Variants in L3MBTL3 observed in about 807,000 individuals in gnomAD.
The protein encoded by L3MBTL3 is L3MBTL histone methyl-lysine binding protein 3, also known as lethal(3)malignant brain tumor-like protein 3.
A neutral mutation model predicts 102.3 loss-of-function variants in L3MBTL3; 27 were observed. The ratio of observed to expected loss-of-function variants is 0.26; its 90% CI spans 0.19 to 0.36. The LOEUF (loss-of-function observed/expected upper bound fraction) is 0.36. Among genes scored for constraint, L3MBTL3 ranks in the 10% least tolerant of loss-of-function variants. The probability of loss-of-function intolerance (pLI) is 1.00; values close to 1 mark genes in which losing one functional copy is unlikely to be tolerated. For synonymous variants in L3MBTL3, 340 were observed against 320.9 expected (o/e 1.06, Z -0.64); for missense variants, 798 against 955.3 (o/e 0.84, Z 2.17).
intron 19 of L3MBTL3, among the ~76,000 whole-genome samples, chr6:130,105,828 T>G (rs556520380): frequency 2.0e-5 from 3 of 152,266 alleles, no homozygotes; most frequent in Admixed American, 2.0e-4. Flanking sequence ...TGTTGTAGGT[T>G]TTTCAATAAT....
chr6:130,060,099 C>T lies in L3MBTL3; in HGVS notation c.823C>T (p.Pro275Ser). ...KVGMKLEGVDPEHQSVYCVLT... is the reference protein window; with the variant it reads ...KVGMKLEGVDSEHQSVYCVLT... ...TGGCATGAAATTAGAAGGCGTGGAT[C>T]CTGAGCATCAGTCTGTGTACTGTGT... The change falls in exon 10 of 23, where the codon CCT becomes TCT. Residue 275 changes from proline (P) to serine (S), a missense_variant. Pro to Ser is a moderately conservative substitution (Grantham distance 74, BLOSUM62 -1). Around this residue, in one of 4 missense-constraint regions of L3MBTL3, gnomAD observed 434 missense variants for 506.6 expected, o/e 0.86. Transcript: ENST00000361794. 6.2e-7 allele frequency: 1 copy of T among 1,613,460 alleles called. No homozygotes were observed. The highest frequency in any genetic ancestry group is 1.1e-5 in the South Asian group (1 of 91,044).
chr6:130,091,652 C>T (rs1424819814), intron 16 of L3MBTL3, among the ~76,000 whole-genome samples: 1 of 152,024 alleles, frequency 6.6e-6, no homozygotes, highest in Non-Finnish European at 1.5e-5. Context: ...GGTATATATA[C>T]ACAACGGGAT....
chr6:130,098,663 G>A (rs1784500335), intron 18 of L3MBTL3, among the ~76,000 whole-genome samples: 1 of 152,120 alleles, frequency 6.6e-6, no homozygotes, highest in African/African-American at 2.4e-5. Context: ...CAGGAGCTCT[G>A]TGAATGTTAG....
intron 10 of L3MBTL3, among the ~76,000 whole-genome samples, chr6:130,060,815 C>A (rs1018989576): frequency 1.3e-5 from 2 of 151,788 alleles, no homozygotes; most frequent in Non-Finnish European, 2.9e-5. Context: ...TGTGTTTCCT[C>A]CTATGCTAGC....
At chr6:130,037,411 G>T (rs993252866) in intron 2 of L3MBTL3, among the ~76,000 whole-genome samples, 6 of 151,552 alleles carry the variant, frequency 4.0e-5, no homozygotes, top group East Asian at 1.9e-4. Flanking sequence ...ATATTCTGTC[G>T]CTCTACTGTC....
At chr6:130,108,394 C>A (rs1431348171) in intron 19 of L3MBTL3, among the ~76,000 whole-genome samples, 1 of 151,668 alleles carries the variant, frequency 6.6e-6, no homozygotes, top group East Asian at 1.9e-4. Context: ...GCCACCACGC[C>A]CAGCTAATTT....
chr6:130,079,468 G>A (rs1208123747), intron 14 of L3MBTL3, among the ~76,000 whole-genome samples: 2 of 152,012 alleles, frequency 1.3e-5, no homozygotes, highest in African/African-American at 2.4e-5. Context: ...CAGATTCTGC[G>A]GTTTCTTCAT....
chr6:130,060,631 CA>C (rs1441727321), intron 10 of L3MBTL3, among the ~76,000 whole-genome samples: 1 of 151,856 alleles, frequency 6.6e-6, no homozygotes, highest in African/African-American at 2.4e-5. Context: ...GATTTGAACC[CA>C]TGTCTGTCTG....
At chr6:130,052,513 GAAA>G (rs1252943124) in intron 6 of L3MBTL3, among the ~76,000 whole-genome samples, 1 of 152,190 alleles carries the variant, frequency 6.6e-6, no homozygotes, top group Non-Finnish European at 1.5e-5. Context: ...CTTTGACCCT[GAAA>G]ACAAATATCT....
At chr6:130,109,908 C>A (rs1785241859) in intron 19 of L3MBTL3, among the ~76,000 whole-genome samples, 1 of 152,162 alleles carries the variant, frequency 6.6e-6, no homozygotes, top group Non-Finnish European at 1.5e-5. Flanking sequence ...TTTCTGTTTT[C>A]TGCATATGGC....
At chr6:130,034,128 C>G (rs1779897938) in intron 2 of L3MBTL3, among the ~76,000 whole-genome samples, 1 of 152,184 alleles carries the variant, frequency 6.6e-6, no homozygotes, top group African/African-American at 2.4e-5. Context: ...GGAGTCCCTG[C>G]TCCTCACTCT....
At chr6:130,090,884 G>T (rs999995876) in intron 16 of L3MBTL3, among the ~76,000 whole-genome samples, 1 of 152,044 alleles carries the variant, frequency 6.6e-6, no homozygotes, top group Non-Finnish European at 1.5e-5. Context: ...ACTGAGCCTG[G>T]CCTCAAATTT....
chr6:130,018,885 G>A (rs886248503), intron 1 of L3MBTL3, among the ~76,000 whole-genome samples: 2 of 152,060 alleles, frequency 1.3e-5, no homozygotes, highest in Non-Finnish European at 2.9e-5. Context: ...ACTTAATCCC[G>A]GGGAAAAAAG....
rs5017900 is a variant in L3MBTL3, at chr6:130,051,305, G to A, written c.346G>A (p.Gly116Arg). The A allele has an allele frequency of 1.2e-6, 2 of 1,613,956 alleles. No individual in the cohort carries two copies. Among genetic ancestry groups the A allele is most frequent in the Non-Finnish European group, 1.7e-6 (2 of 1,179,804 alleles). ...GTTGAAGGATCCAGTGAAAGTAGAA[G>A]GGCTTCAGTTCTGTGAGAACTGTTG... The part of the protein sequence containing the change: ...FRLKDPVKVE[G>R]LQFCENCCQY... Residue 116 changes from glycine (G) to arginine (R), a missense_variant, in exon 6 of 23, where the codon GGG (glycine) becomes AGG (arginine). By Grantham distance (125) the Gly-to-Arg change is moderately radical. Around this residue, in one of 4 missense-constraint regions of L3MBTL3, gnomAD observed 434 missense variants for 506.6 expected, o/e 0.86. Coordinates refer to ENST00000361794, the MANE Select transcript of L3MBTL3 (RefSeq NM_032438.4).
At chr6:130,063,068 G>T (rs1186828751) in intron 10 of L3MBTL3, among the ~76,000 whole-genome samples, 1 of 147,866 alleles carries the variant, frequency 6.8e-6, no homozygotes, top group Non-Finnish European at 1.5e-5. Context: ...TTCTGAAGAA[G>T]CCACTAGGGA....
At chr6:130,115,257 T>C (rs1369587788) in intron 19 of L3MBTL3, among the ~76,000 whole-genome samples, 1 of 151,894 alleles carries the variant, frequency 6.6e-6, no homozygotes, top group Non-Finnish European at 1.5e-5. Context: ...AACTAAGGAG[T>C]GAACTTTCAC....
chr6:130,030,949 C>T (rs2114557345), intron 2 of L3MBTL3, among the ~76,000 whole-genome samples: 1 of 152,150 alleles, frequency 6.6e-6, no homozygotes, highest in African/African-American at 2.4e-5. Context: ...ATTATTGTGC[C>T]CCACCATGTT....
chr6:130,041,335 A>T (rs1328298843), intron 2 of L3MBTL3, among the ~76,000 whole-genome samples: 1 of 152,150 alleles, frequency 6.6e-6, no homozygotes, highest in Non-Finnish European at 1.5e-5. Flanking sequence ...GTTGCCTAGA[A>T]CCATTAATTT....
intron 14 of L3MBTL3, among the ~76,000 whole-genome samples, chr6:130,082,570 G>A (rs1404050303): frequency 6.6e-6 from 1 of 152,102 alleles, no homozygotes; most frequent in Non-Finnish European, 1.5e-5. Context: ...CTTTTGAAAT[G>A]TTCTTATCAT....
Sources: gnomAD v4.1 joint callset for allele counts (sites outside exome capture counted in the v4.1 genomes callset) on GRCh38, gnomAD v4.1.1 for gene constraint, gnomAD v4.1.1 regional missense constraint, MANE v1.5 for transcripts, NCBI Gene and HGNC (gene_info 2026-07-23, HGNC 2026-07-21) for gene names.